The following RAPGEF6 variants were observed in gnomAD, a reference collection of about 807,000 sequenced individuals.
RAPGEF6 encodes the protein Rap guanine nucleotide exchange factor 6.
Under a neutral mutation model 171.4 loss-of-function variants are expected in RAPGEF6, and 56 were observed. The ratio of observed to expected loss-of-function variants is 0.33; its 90% confidence interval spans 0.26 to 0.41. RAPGEF6 has a LOEUF of 0.41. RAPGEF6 is among the 10% of genes least tolerant of loss of function. The pLI is 1.00. For synonymous variants in RAPGEF6, 692 were observed against 650.1 expected (o/e 1.06, Z -0.98); for missense variants, 1,674 against 1,921.4 (o/e 0.87, Z 2.41).
At chr5:131,494,252 A>ATGCT (rs146507743) in intron 13 of RAPGEF6, among the ~76,000 whole-genome samples, 4,477 of 152,324 alleles carry the variant, frequency 0.029, 89 homozygotes, top group Non-Finnish European at 0.046. Context: ...CTAAAACACT[A>ATGCT]TGCTGCATTA....
chr5:131,528,321 AT>A lies in RAPGEF6; in HGVS notation c.496-6801del, dbSNP rs1263895341. Among the ~76,000 whole-genome samples, 3 of 54,386 alleles carry A rather than the reference AT, an allele frequency of 5.5e-5. 1 individual carries two copies. Among genetic ancestry groups the A allele is most frequent in the Non-Finnish European group, 1.3e-4 (3 of 23,602 alleles). The allele number at this position is 54,386 out of a possible 152,430, so 35.7% of individuals were successfully genotyped here. On this transcript the variant is annotated intron_variant, in intron 6 of 27. Coordinates refer to ENST00000509018, the MANE Select transcript of RAPGEF6 (RefSeq NM_016340.6). ...AAAATAATATATTTATATTATATAT[AT>A]ATATATATATATATATACACACACA...
rs377229394 is a variant in RAPGEF6 at position 131,581,193 on chromosome 5, A to G, written c.281+11190T>C. On this transcript the variant is annotated intron_variant, in intron 4 of 27. Transcript: ENST00000509018. Reference sequence around the variant, plus strand: ...GAGGCCTTGATTTACTCACTGCTGAAAAAGGAGGACTCTGTATATTTCTTA... The same window carrying G: ...GAGGCCTTGATTTACTCACTGCTGAGAAAGGAGGACTCTGTATATTTCTTA... 3.8e-3 allele frequency among the ~76,000 whole-genome samples: 584 copies of G among 152,338 alleles called. 7 individuals are homozygous for G. Among genetic ancestry groups the G allele is most frequent in the South Asian group, 0.018 (86 of 4,830 alleles).
chr5:131,585,092 A>C (rs534930413), intron 4 of RAPGEF6, among the ~76,000 whole-genome samples: 5 of 152,340 alleles, frequency 3.3e-5, no homozygotes, highest in Non-Finnish European at 5.9e-5. Flanking sequence ...CATGAAAATT[A>C]AAACTGGCAC....
At chr5:131,458,789 G>A (rs1390920472) in intron 19 of RAPGEF6, among the ~76,000 whole-genome samples, 2 of 152,138 alleles carry the variant, frequency 1.3e-5, no homozygotes, top group Admixed American at 6.5e-5. Context: ...GAGTAGCTGG[G>A]ATTACAAGCA....
chr5:131,525,833 C>A (rs1244070782), intron 6 of RAPGEF6, among the ~76,000 whole-genome samples: 1 of 152,118 alleles, frequency 6.6e-6, no homozygotes, highest in African/African-American at 2.4e-5. Context: ...AAAAGTAACA[C>A]AATGAACCAA....
At chr5:131,584,056 G>A (rs896018214) in intron 4 of RAPGEF6, among the ~76,000 whole-genome samples, 1 of 152,154 alleles carries the variant, frequency 6.6e-6, no homozygotes, top group Non-Finnish European at 1.5e-5. Context: ...GAGAGGGAAA[G>A]TTTACAAAGT....
At chr5:131,481,936 A>G (rs1306003252) in intron 15 of RAPGEF6, among the ~76,000 whole-genome samples, 1 of 152,192 alleles carries the variant, frequency 6.6e-6, no homozygotes, top group Admixed American at 6.5e-5. Context: ...ATCACAGAGA[A>G]TTTTTTTGGA....
At chr5:131,602,349 C>A (rs1348971983) in intron 3 of RAPGEF6, among the ~76,000 whole-genome samples, 2 of 152,154 alleles carry the variant, frequency 1.3e-5, no homozygotes, top group Non-Finnish European at 2.9e-5. Context: ...CTGACTGAAA[C>A]AACGTTATGT....
At chr5:131,543,012 C>T (rs181344521) in intron 6 of RAPGEF6, among the ~76,000 whole-genome samples, 3 of 152,256 alleles carry the variant, frequency 2.0e-5, no homozygotes, top group African/African-American at 7.2e-5. Flanking sequence ...CTATCAATTT[C>T]GATGGCACAG....
chr5:131,601,143 G>A (rs920569609), intron 3 of RAPGEF6, among the ~76,000 whole-genome samples: 5 of 151,542 alleles, frequency 3.3e-5, no homozygotes, highest in African/African-American at 7.3e-5. Flanking sequence ...CAGCACTTTG[G>A]GAGGCCGAGG....
At chr5:131,582,145 C>A (rs1763004933) in intron 4 of RAPGEF6, among the ~76,000 whole-genome samples, 1 of 152,206 alleles carries the variant, frequency 6.6e-6, no homozygotes, top group African/African-American at 2.4e-5. Context: ...CACACTAAGC[C>A]TGCTCAGATG....
At chr5:131,468,079 G>A (rs1254079797) in intron 17 of RAPGEF6, among the ~76,000 whole-genome samples, 2 of 151,490 alleles carry the variant, frequency 1.3e-5, no homozygotes, top group Non-Finnish European at 2.9e-5. Context: ...AGTAATTCCA[G>A]CACTTTGGGA....
At chr5:131,514,727 C>A (rs1343155521) in intron 7 of RAPGEF6, among the ~76,000 whole-genome samples, 4 of 149,958 alleles carry the variant, frequency 2.7e-5, no homozygotes, top group Admixed American at 6.6e-5. Context: ...AGAAAAAAGC[C>A]AAAAAAAAAT....
rs368007374 is a variant in RAPGEF6, at chr5:131,592,363, T to C, written c.281+20A>G. ...AGTTTAACATTAACTTTGCCTGCCA[T>C]ATAGCAAATGTAAACGTACCTGCAA... On this transcript the variant is annotated intron_variant, in intron 4 of 27. Coordinates refer to ENST00000509018, the MANE Select transcript of RAPGEF6 (RefSeq NM_016340.6). 12 of 1,610,910 alleles carry C rather than the reference T, an allele frequency of 7.4e-6. No homozygotes were observed. Among genetic ancestry groups the C allele is most frequent in the African/African-American group, 4.0e-5 (3 of 74,800 alleles).
chr5:131,477,368 A>G (rs1468276560), intron 16 of RAPGEF6, among the ~76,000 whole-genome samples: 1 of 152,238 alleles, frequency 6.6e-6, no homozygotes, highest in Non-Finnish European at 1.5e-5. Flanking sequence ...TCTGCAGTGC[A>G]GCATTTTATT....
Position 131,635,214 on chromosome 5 carries a change from G to A in RAPGEF6, c.-184C>T. ...CTAAGGCCTCTACCCACGCGCGACTGGCCGGAGACAAGTCTGCGCGGGGGC... is the reference window on the plus strand; with the variant it reads ...CTAAGGCCTCTACCCACGCGCGACTAGCCGGAGACAAGTCTGCGCGGGGGC... On this transcript the variant is annotated 5_prime_UTR_variant, in exon 1 of 28. Transcript: ENST00000509018. 5.1e-6 allele frequency: 3 copies of A among 590,848 alleles called. No individual in the cohort carries two copies. The East Asian group carries it at 9.2e-5, about 18-fold the overall frequency. 36.6% of individuals were successfully genotyped at this position (590,848 alleles called of 1,614,324 possible). A position where few individuals can be genotyped will look rare whatever the true frequency, so the allele number is the denominator to read the frequency against.
intron 18 of RAPGEF6, 121 bp downstream of exon 18, chr5:131,463,920 T>A (rs1285116684): frequency 6.9e-7 from 1 of 1,445,242 alleles, no homozygotes; most frequent in African/African-American, 1.4e-5. Flanking sequence ...ATCAAGCGTC[T>A]TCTGGAGTGA....
chr5:131,467,361 T>C (rs1368659118), intron 17 of RAPGEF6, among the ~76,000 whole-genome samples: 2 of 152,222 alleles, frequency 1.3e-5, no homozygotes, highest in African/African-American at 2.4e-5. Context: ...AGGGTATCCC[T>C]TAATCCAAAC....
At chr5:131,614,281 CAAA>C (rs386404987) in intron 1 of RAPGEF6, among the ~76,000 whole-genome samples, 14 of 81,412 alleles carry the variant, frequency 1.7e-4, no homozygotes, top group East Asian at 7.2e-4. Context: ...GACTCTGTCT[CAAA>C]AAAAAAAAAA....
Sources: allele counts gnomAD v4.1 joint callset (sites outside exome capture counted in the v4.1 genomes callset), GRCh38; gene constraint gnomAD v4.1.1; transcripts MANE v1.5; gene names NCBI Gene and HGNC (gene_info 2026-07-23, HGNC 2026-07-21).